MIB1: variants seen among roughly 807,000 people sequenced by gnomAD.
MIB1 encodes MIB E3 ubiquitin protein ligase 1.
In MIB1, 278 loss-of-function variants were observed where a neutral mutation model predicts 124.5. The ratio of observed to expected loss-of-function variants is 2.23; its 90% CI spans 2.02 to 2.47. The LOEUF (loss-of-function observed/expected upper bound fraction) is 2.47, where lower values mean the gene tolerates loss of function less well. Ranked by LOEUF, MIB1 falls within the 30% of genes most tolerant of loss-of-function variation. The pLI, the probability that MIB1 is intolerant of heterozygous loss-of-function variation, is 0.00. For missense variants in MIB1, 957 were observed against 1,254.4 expected (o/e 0.76, Z 3.58); for synonymous variants, 446 against 429.4 (o/e 1.04, Z -0.48).
At chr18:21,789,476 A>G (rs1209239770) in intron 6 of MIB1, among the ~76,000 whole-genome samples, 2 of 152,182 alleles carry the variant, frequency 1.3e-5, no homozygotes, top group Non-Finnish European at 2.9e-5. Flanking sequence ...GGAAGGGGGC[A>G]TAATTCAACC....
chr18:21,748,394 C>G (rs544643713), intron 1 of MIB1, among the ~76,000 whole-genome samples: 1 of 113,418 alleles, frequency 8.8e-6, no homozygotes, highest in Non-Finnish European at 1.8e-5. Context: ...CTCTCTCCCC[C>G]CTCCCTCTCT....
chr18:21,712,517 A>T (rs150389345), intron 1 of MIB1, among the ~76,000 whole-genome samples: 271 of 152,316 alleles, frequency 1.8e-3, no homozygotes, highest in African/African-American at 6.1e-3. Context: ...CCCCAGAGAA[A>T]GCCACATAGC....
chr18:21,796,431 A>G (rs2041581378), intron 7 of MIB1, among the ~76,000 whole-genome samples: 1 of 152,114 alleles, frequency 6.6e-6, no homozygotes, highest in Non-Finnish European at 1.5e-5. Flanking sequence ...TAGGACAAAT[A>G]TCTAATATAA....
At chr18:21,798,974 C>T (rs1409826603) in intron 8 of MIB1, among the ~76,000 whole-genome samples, 5 of 151,982 alleles carry the variant, frequency 3.3e-5, no homozygotes, top group African/African-American at 1.2e-4. Flanking sequence ...TTTATTCTTT[C>T]CTGCTGTAAT....
chr18:21,818,015 T>G (rs563234307), intron 11 of MIB1, among the ~76,000 whole-genome samples: 1 of 152,336 alleles, frequency 6.6e-6, no homozygotes, highest in South Asian at 2.1e-4. Flanking sequence ...TACTGCTAAG[T>G]CAATTGATTA....
In MIB1 at chr18:21,868,987, T is replaced by C. The variant is rs748422351; in HGVS notation, c.*4321T>C. ...GCTACATTGGCATTTTCTACCTCCTTTTCTGTCAGAGTATTACTTTTTCCA... is the reference window on the plus strand; with the variant it reads ...GCTACATTGGCATTTTCTACCTCCTCTTCTGTCAGAGTATTACTTTTTCCA... On this transcript the variant is annotated 3_prime_UTR_variant, in exon 21 of 21. Coordinates refer to ENST00000261537, the MANE Select transcript of MIB1 (RefSeq NM_020774.4). 1 of 152,408 alleles carries C rather than the reference T, an allele frequency of 6.6e-6. No individual in the cohort carries two copies. Among genetic ancestry groups the C allele is most frequent in the Non-Finnish European group, 1.5e-5 (1 of 67,886 alleles). 9.4% of individuals were successfully genotyped at this position (152,408 alleles called of 1,614,324 possible).
At chr18:21,831,869 C>T (rs188006451) in intron 12 of MIB1, among the ~76,000 whole-genome samples, 2 of 152,160 alleles carry the variant, frequency 1.3e-5, no homozygotes, top group East Asian at 1.9e-4. Flanking sequence ...AAGTGAAGTC[C>T]CTCTGCTGCC....
chr18:21,757,609 A>AAAGTTGCTGG (rs2041049262), intron 1 of MIB1, among the ~76,000 whole-genome samples: 1 of 148,250 alleles, frequency 6.7e-6, no homozygotes, highest in Non-Finnish European at 1.5e-5. Flanking sequence ...CTCAGCCTCC[A>AAAGTTGCTGG]AAGTTGCTGG....
intron 1 of MIB1, among the ~76,000 whole-genome samples, chr18:21,749,712 C>G (rs1310149891): frequency 1.4e-5 from 2 of 140,428 alleles, no homozygotes; most frequent in Non-Finnish European, 3.0e-5. Context: ...GCGATCTTGG[C>G]TCATCAAAAC....
At chr18:21,770,372 A>G (rs1371517578) in intron 3 of MIB1, among the ~76,000 whole-genome samples, 2 of 152,172 alleles carry the variant, frequency 1.3e-5, no homozygotes, top group Non-Finnish European at 2.9e-5. Flanking sequence ...GTTTTGGCCT[A>G]TGTATGTGAA....
At position 21,785,974 on chromosome 18, in the gene MIB1, G is replaced by A. The variant is rs149597392; in HGVS notation, c.909-5400G>A. On this transcript the variant is annotated intron_variant, in intron 6 of 20. Transcript: ENST00000261537. ...TATGGTTTCTGCTGAAAGGTCTGTT[G>A]CTAGATGAATTGGTGCTCTTTTATG... 2.0e-5 allele frequency among the ~76,000 whole-genome samples: 3 copies of A among 152,186 alleles called. No individual in the cohort carries two copies. The East Asian group carries it at 5.8e-4, about 29-fold the overall frequency.
chr18:21,814,154 CAGG>C (rs1238210592), intron 10 of MIB1, among the ~76,000 whole-genome samples: 1 of 151,996 alleles, frequency 6.6e-6, no homozygotes, highest in Non-Finnish European at 1.5e-5. Context: ...ATGCCTGTTA[CAGG>C]AGGTGAGGCA....
chr18:21,809,351 T>C (rs920993827), intron 10 of MIB1, among the ~76,000 whole-genome samples: 2 of 152,052 alleles, frequency 1.3e-5, no homozygotes, highest in African/African-American at 4.8e-5. Context: ...AGAACTAATA[T>C]TCTTTCTCAA....
chr18:21,758,557 C>T (rs1274030288), intron 1 of MIB1, among the ~76,000 whole-genome samples: 1 of 150,508 alleles, frequency 6.6e-6, no homozygotes, highest in Admixed American at 6.6e-5. Context: ...TTTTTTGAGA[C>T]AGAGTCTCAC....
chr18:21,847,327 C>T (rs895632689), intron 16 of MIB1, among the ~76,000 whole-genome samples: 4 of 152,046 alleles, frequency 2.6e-5, no homozygotes, highest in Non-Finnish European at 5.9e-5. Flanking sequence ...CCATATTCCC[C>T]ACATTATTGA....
intron 7 of MIB1, among the ~76,000 whole-genome samples, chr18:21,796,615 A>G (rs990184957): frequency 6.6e-6 from 1 of 152,232 alleles, no homozygotes; most frequent in African/African-American, 2.4e-5. Flanking sequence ...TCCTAGCTGT[A>G]TTCATGAAAA....
intron 1 of MIB1, among the ~76,000 whole-genome samples, chr18:21,751,630 T>C (rs2040976287): frequency 6.6e-6 from 1 of 152,202 alleles, no homozygotes; most frequent in Non-Finnish European, 1.5e-5. Flanking sequence ...CTGCTTATAC[T>C]ATATCTCATG....
chr18:21,822,701 T>G (rs2041889654), intron 12 of MIB1, among the ~76,000 whole-genome samples: 1 of 15,572 alleles, frequency 6.4e-5, no homozygotes, highest in Non-Finnish European at 3.0e-4. Flanking sequence ...TTTCTTAAGG[T>G]TGATTTTTCC....
At chr18:21,769,535 A>G (rs1218738435) in intron 3 of MIB1, among the ~76,000 whole-genome samples, 1 of 152,126 alleles carries the variant, frequency 6.6e-6, no homozygotes, top group African/African-American at 2.4e-5. Context: ...AAGCCCTGTG[A>G]TTAACAAAGA....
Sources: gnomAD v4.1 joint callset for allele counts (sites outside exome capture counted in the v4.1 genomes callset) on GRCh38, gnomAD v4.1.1 for gene constraint, MANE v1.5 for transcripts, NCBI Gene and HGNC (gene_info 2026-07-23, HGNC 2026-07-21) for gene names.